The following ADAMTS12 variants were observed in gnomAD, a reference collection of about 807,000 sequenced individuals.
ADAMTS12 encodes the protein A disintegrin and metalloproteinase with thrombospondin motifs 12.
In ADAMTS12, 118 loss-of-function variants were observed where a neutral mutation model predicts 167.8. That is an observed-to-expected ratio of 0.70 (90% CI 0.61 to 0.82). The LOEUF is 0.82. ADAMTS12 is among the 40% of genes least tolerant of loss of function. The pLI is 0.00. For synonymous variants in ADAMTS12, 704 were observed against 716.9 expected, an observed-to-expected ratio of 0.98 and a Z score of 0.29; for missense variants, 1,916 against 1,998.8, an observed-to-expected ratio of 0.96 and a Z score of 0.79.
intron 2 of ADAMTS12, among the ~76,000 whole-genome samples, chr5:33,835,907 A>ATCTCTCCTCTCTCTCTC (rs1748488806): frequency 1.8e-5 from 2 of 111,822 alleles, no homozygotes; most frequent in African/African-American, 8.9e-5. Context: ...GATAATATCC[A>ATCTCTCCTCTCTCTCTC]TCTCTCTCTC....
intron 2 of ADAMTS12, among the ~76,000 whole-genome samples, chr5:33,767,044 T>C (rs1745559388): frequency 6.6e-6 from 1 of 152,176 alleles, no homozygotes; most frequent in African/African-American, 2.4e-5. Context: ...AACAAACTAA[T>C]GGCCAATAAT....
chr5:33,707,334 T>C (rs1157301235), intron 3 of ADAMTS12, among the ~76,000 whole-genome samples: 1 of 151,690 alleles, frequency 6.6e-6, no homozygotes, highest in Non-Finnish European at 1.5e-5. Flanking sequence ...CATTCCATGC[T>C]CATGGATAGG....
intron 9 of ADAMTS12, among the ~76,000 whole-genome samples, chr5:33,645,025 C>T (rs893090455): frequency 5.9e-5 from 9 of 152,036 alleles, no homozygotes; most frequent in East Asian, 1.9e-4. Flanking sequence ...CCACCGTACC[C>T]GGCCTAGGGT....
At chr5:33,649,824 C>A in intron 7 of ADAMTS12, 127 bp from the exon 8 acceptor site, 1 of 1,239,246 alleles carries the variant, frequency 8.1e-7, no homozygotes, top group Non-Finnish European at 1.1e-6. Context: ...CAACTGTTTG[C>A]AAAGTGAGAC....
chr5:33,542,174 A>AT (rs1331690692), intron 22 of ADAMTS12, among the ~76,000 whole-genome samples: 1 of 152,168 alleles, frequency 6.6e-6, no homozygotes, highest in Non-Finnish European at 1.5e-5. Context: ...GCAAAAAAAA[A>AT]GCAGGGGTTG....
chr5:33,751,086 GA>G (rs1344594652), intron 3 of ADAMTS12: 1 of 444,692 alleles, frequency 2.2e-6, no homozygotes, highest in African/African-American at 2.0e-5. Context: ...AGACTATTCA[GA>G]AGAGTTTTTT....
At chr5:33,613,791 T>C (rs1738846793) in intron 16 of ADAMTS12, among the ~76,000 whole-genome samples, 1 of 152,200 alleles carries the variant, frequency 6.6e-6, no homozygotes, top group African/African-American at 2.4e-5. Context: ...TCCTCTGCTA[T>C]ATGTATAAAA....
intron 1 of ADAMTS12, among the ~76,000 whole-genome samples, chr5:33,887,449 A>G (rs1284508412): frequency 1.3e-5 from 2 of 152,162 alleles, no homozygotes; most frequent in Admixed American, 6.5e-5. Context: ...CGGGTTGTCA[A>G]TAAGGTGTGG....
At chr5:33,614,751 C>G (rs1483006051) in intron 15 of ADAMTS12, among the ~76,000 whole-genome samples, 1 of 152,170 alleles carries the variant, frequency 6.6e-6, no homozygotes, top group African/African-American at 2.4e-5. Flanking sequence ...TTCTTATGCA[C>G]TTACCAGCTT....
chr5:33,818,133 T>C (rs1435373026), intron 2 of ADAMTS12, among the ~76,000 whole-genome samples: 1 of 152,106 alleles, frequency 6.6e-6, no homozygotes, highest in Non-Finnish European at 1.5e-5. Flanking sequence ...TAAAATCTAC[T>C]TATTTTCTAC....
At chr5:33,628,151 G>A (rs762754566) in intron 13 of ADAMTS12, among the ~76,000 whole-genome samples, 2 of 152,072 alleles carry the variant, frequency 1.3e-5, no homozygotes, top group East Asian at 1.9e-4. Flanking sequence ...TTCAGCCAAC[G>A]TTATGCTGAC....
Position 33,768,279 on chromosome 5 carries a change from C to T in ADAMTS12, c.490-16731G>A, listed in dbSNP as rs557459964. On this transcript the variant is annotated intron_variant, in intron 2 of 23. Coordinates refer to ENST00000504830, the MANE Select transcript of ADAMTS12 (RefSeq NM_030955.4). ...CTTTATTCACGGCAAAAGAGGAAGA[C>T]CAGACGAGGAAATAATTTTTGAAAC... Among the ~76,000 whole-genome samples, 5 of 152,236 alleles carry T rather than the reference C, an allele frequency of 3.3e-5. No homozygotes were observed. The South Asian group carries it at 1.0e-3, about 32-fold the overall frequency.
At chr5:33,559,994 C>T (rs1011551914) in intron 20 of ADAMTS12, among the ~76,000 whole-genome samples, 23 of 152,126 alleles carry the variant, frequency 1.5e-4, no homozygotes, top group Non-Finnish European at 2.8e-4. Flanking sequence ...AAGATTAAGC[C>T]ATATATTCGC....
intron 7 of ADAMTS12, among the ~76,000 whole-genome samples, chr5:33,657,368 AG>A (rs1741098650): frequency 6.6e-6 from 1 of 152,194 alleles, no homozygotes; most frequent in Middle Eastern, 3.2e-3. Flanking sequence ...CATGACAGGC[AG>A]GGGATATAAT....
chr5:33,707,791 C>T (rs546309884), intron 3 of ADAMTS12, among the ~76,000 whole-genome samples: 12 of 152,208 alleles, frequency 7.9e-5, no homozygotes, highest in South Asian at 6.2e-4. Flanking sequence ...ACACTTTATA[C>T]AAAAATTAAC....
chr5:33,850,414 AC>A (rs1579991594), intron 2 of ADAMTS12, among the ~76,000 whole-genome samples: 1 of 152,198 alleles, frequency 6.6e-6, no homozygotes, highest in East Asian at 1.9e-4. Flanking sequence ...AGTGCTACAC[AC>A]CCATCCTCCC....
intron 2 of ADAMTS12, among the ~76,000 whole-genome samples, chr5:33,805,141 C>A (rs7737278): frequency 0.52 from 78,358 of 152,010 alleles, 20,874 homozygotes; most frequent in East Asian, 0.78. Context: ...CAAGCTAACA[C>A]TATGCTTTAT....
chr5:33,676,717 G>C (rs1208417554), intron 5 of ADAMTS12, among the ~76,000 whole-genome samples: 12 of 130,480 alleles, frequency 9.2e-5, no homozygotes, highest in Admixed American at 2.2e-4. Context: ...CAGAGAGAGA[G>C]AGAGAGAGAG....
intron 13 of ADAMTS12, among the ~76,000 whole-genome samples, chr5:33,627,576 A>G (rs1739724277): frequency 6.6e-6 from 1 of 152,000 alleles, no homozygotes; most frequent in Admixed American, 6.6e-5. Context: ...CTCAAGAATG[A>G]CTTACTGATT....
Sources: gnomAD v4.1 joint callset for allele counts (sites outside exome capture counted in the v4.1 genomes callset) on GRCh38, gnomAD v4.1.1 for gene constraint, MANE v1.5 for transcripts, NCBI Gene and HGNC (gene_info 2026-07-23, HGNC 2026-07-21) for gene names.